TMEM255A: variants seen among roughly 807,000 people sequenced by gnomAD.
The protein encoded by TMEM255A is family with sequence similarity 70, member A.
TMEM255A carries 14 observed loss-of-function variants against 23.5 expected under a neutral mutation model. That is an observed-to-expected ratio of 0.60 (90% confidence interval 0.39 to 0.93). The LOEUF is 0.93. TMEM255A is among the 40% of genes least tolerant of loss of function. The pLI is 0.00. For missense variants in TMEM255A, 233 were observed against 261.7 expected (o/e 0.89, Z 0.76); for synonymous variants, 104 against 100.3 (o/e 1.04, Z -0.22).
intron 6 of TMEM255A, among the ~76,000 whole-genome samples, chrX:120,278,806 T>C (rs73607671): frequency 0.043 from 4,832 of 112,377 alleles, 276 homozygotes; most frequent in African/African-American, 0.15. Flanking sequence ...GATGAATTTA[T>C]CTTCAGATTC....
At chrX:120,304,589 A>C in intron 1 of TMEM255A, 98 bp from the exon 2 acceptor site, 18 of 898,494 alleles carry the variant, frequency 2.0e-5, no homozygotes, top group Middle Eastern at 2.7e-4. Flanking sequence ...TCCTATTCCT[A>C]CCGGTAACTG....
intron 1 of TMEM255A, among the ~76,000 whole-genome samples, chrX:120,309,560 C>T (rs5910826): frequency 0.5 from 56,190 of 111,765 alleles, 11,576 homozygotes; most frequent in East Asian, 0.84. Context: ...TGCGGAACCC[C>T]AGCACTCTTC....
intron 7 of TMEM255A, among the ~76,000 whole-genome samples, chrX:120,269,146 A>G (rs1399152813): frequency 2.0e-4 from 22 of 109,277 alleles, no homozygotes; most frequent in African/African-American, 7.3e-4. Context: ...TTTTTTGCAA[A>G]TAAAACGATG....
chrX:120,285,624 C>T, intron 5 of TMEM255A: 1 of 1,211,074 alleles, frequency 8.3e-7, no homozygotes, highest in Non-Finnish European at 1.1e-6. Flanking sequence ...TACAATAGTA[C>T]CTCTCTAGCT....
intron 2 of TMEM255A, among the ~76,000 whole-genome samples, chrX:120,296,753 A>G (rs1238509857): frequency 5.7e-5 from 1 of 17,531 alleles, no homozygotes; most frequent in African/African-American, 4.0e-4. Flanking sequence ...ATATTATATT[A>G]TATATTATAT....
At chrX:120,274,929 G>C (rs782400687) in intron 7 of TMEM255A, among the ~76,000 whole-genome samples, 2 of 92,675 alleles carry the variant, frequency 2.2e-5, no homozygotes, top group African/African-American at 7.5e-5. Flanking sequence ...GAAAGCTCTA[G>C]GGACAATTTA....
intron 6 of TMEM255A, among the ~76,000 whole-genome samples, chrX:120,280,966 T>C (rs2057832898): frequency 8.9e-6 from 1 of 112,617 alleles, no homozygotes; most frequent in Admixed American, 9.4e-5. Flanking sequence ...ATTAGCTTTT[T>C]CCTTGGACTC....
At chrX:120,287,794 C>T (rs1329090548) in intron 4 of TMEM255A, among the ~76,000 whole-genome samples, 1 of 111,802 alleles carries the variant, frequency 8.9e-6, no homozygotes, top group Non-Finnish European at 1.9e-5. Context: ...CATTTTCACC[C>T]AACTGCATAG....
At chrX:120,297,442 G>A (rs1556025064) in intron 2 of TMEM255A, among the ~76,000 whole-genome samples, 1 of 107,534 alleles carries the variant, frequency 9.3e-6, no homozygotes, top group East Asian at 2.9e-4. Flanking sequence ...CAGCAGGCAG[G>A]GAACTAATAC....
rs1443884456 is a variant in TMEM255A at position 120,285,671 on chromosome X, G to T, written c.424-456C>A. The T allele has an allele frequency of 2.5e-6, 3 of 1,209,229 alleles. No individual in the cohort carries two copies. In the African/African-American group the frequency reaches 5.3e-5, roughly 21 times the overall value. On this transcript the variant is annotated intron_variant, in intron 5 of 8. Transcript: ENST00000371369. ...GTTCCTCATAACCCTCGTGGAAGGA[G>T]AATTTTTGGTTGAGGAACTTATGAC...
chrX:120,291,611 A>C (rs1171180952), intron 3 of TMEM255A, among the ~76,000 whole-genome samples: 3 of 103,534 alleles, frequency 2.9e-5, no homozygotes, highest in Non-Finnish European at 5.9e-5. Context: ...GGTATCTAGC[A>C]TGCTGTCCAT....
intron 2 of TMEM255A, among the ~76,000 whole-genome samples, chrX:120,298,608 T>C (rs2058013696): frequency 9.0e-6 from 1 of 111,081 alleles, no homozygotes; most frequent in African/African-American, 3.3e-5. Context: ...ATGTGGTATA[T>C]GTATTGTATA....
chrX:120,275,398 C>G (rs781846510), intron 7 of TMEM255A, among the ~76,000 whole-genome samples: 2 of 112,206 alleles, frequency 1.8e-5, no homozygotes, highest in South Asian at 7.4e-4. Flanking sequence ...CTGCTGGAGA[C>G]TTGCAATCCA....
chrX:120,253,982 T>TGAC (rs2147170473), downstream of TMEM255A: 2 of 1,207,211 alleles, frequency 1.7e-6, no homozygotes, highest in South Asian at 1.8e-5. Context: ...CCGATTCTGA[T>TGAC]GATGATGATG....
Position 120,259,531 on chromosome X carries a change from A to T in TMEM255A, c.*1339T>A, listed in dbSNP as rs1414730384. ...TCCAGTGTGTGTTCTGTGTTTGGAG[A>T]ACTGTCTAATTAGGTACCCTCCTGT... is the stretch of plus-strand genomic sequence containing the variant. On this transcript the variant is annotated 3_prime_UTR_variant, in exon 9 of 9. Coordinates refer to ENST00000371369, the MANE Select transcript of TMEM255A (RefSeq NM_001104544.3). 5.4e-5 allele frequency: 6 copies of T among 111,611 alleles called. No homozygotes were observed. The highest frequency in any genetic ancestry group is 1.1e-4 in the Non-Finnish European group (6 of 53,060). The allele number at this position is 111,611 out of a possible 1,213,427, so 9.2% of individuals were successfully genotyped here.
intron 6 of TMEM255A, among the ~76,000 whole-genome samples, chrX:120,277,558 G>C (rs1279931203): frequency 1.8e-5 from 2 of 111,091 alleles, no homozygotes; most frequent in Non-Finnish European, 3.8e-5. Flanking sequence ...CATCATTGCA[G>C]AAAGTTCTGC....
intron 2 of TMEM255A, among the ~76,000 whole-genome samples, chrX:120,296,691 TATTAA>T (rs2057961968): frequency 1.6e-5 from 1 of 61,274 alleles, no homozygotes; most frequent in African/African-American, 6.9e-5. Flanking sequence ...TTAATATATA[TATTAA>T]ATATATTTAG....
intron 3 of TMEM255A, among the ~76,000 whole-genome samples, chrX:120,292,396 G>A (rs1556023184): frequency 9.0e-6 from 1 of 110,914 alleles, no homozygotes; most frequent in African/African-American, 3.3e-5. Flanking sequence ...TTTTCCCTGA[G>A]GTTTTTGGAA....
downstream of TMEM255A, chrX:120,255,729 A>C: frequency 4.0e-6 from 1 of 251,682 alleles, no homozygotes. Context: ...AAGCAGTCTG[A>C]ATGTTCTTTG....
Sources: allele counts gnomAD v4.1 joint callset (sites outside exome capture counted in the v4.1 genomes callset), GRCh38; gene constraint gnomAD v4.1.1; transcripts MANE v1.5; gene names NCBI Gene and HGNC (gene_info 2026-07-23, HGNC 2026-07-21).